MACO1: variants seen among roughly 807,000 people sequenced by gnomAD.
MACO1 encodes the protein macoilin 1, also known as macoilin.
A neutral mutation model predicts 78.7 loss-of-function variants in MACO1; 14 were observed. That is an observed-to-expected ratio of 0.18 (90% confidence interval 0.12 to 0.28). The LOEUF (loss-of-function observed/expected upper bound fraction) is 0.28, where lower values mean the gene tolerates loss of function less well. Among genes scored for constraint, MACO1 ranks in the 10% least tolerant of loss-of-function variants. The pLI is 1.00. For missense variants in MACO1, 501 were observed against 799.0 expected (o/e 0.63, Z 4.50); for synonymous variants, 288 against 291.6 (o/e 0.99, Z 0.12).
chr1:25,484,739 T>G (rs564097798), intron 7 of MACO1, among the ~76,000 whole-genome samples: 2 of 152,352 alleles, frequency 1.3e-5, no homozygotes, highest in African/African-American at 4.8e-5. Context: ...GGCTTTTGAT[T>G]AGTTCATTCT....
chr1:25,452,478 T>A (rs968559770), intron 3 of MACO1, among the ~76,000 whole-genome samples: 1 of 152,176 alleles, frequency 6.6e-6, no homozygotes, highest in Non-Finnish European at 1.5e-5. Flanking sequence ...AGAAAAAATT[T>A]TTTTGAACAG....
chr1:25,448,204 C>T (rs908307614), intron 2 of MACO1, among the ~76,000 whole-genome samples: 9 of 152,136 alleles, frequency 5.9e-5, no homozygotes, highest in South Asian at 2.1e-4. Context: ...GTGGTTCACA[C>T]CTGTAATCCC....
At chr1:25,469,440 TG>T (rs965334560) in intron 6 of MACO1, among the ~76,000 whole-genome samples, 4 of 152,158 alleles carry the variant, frequency 2.6e-5, no homozygotes, top group African/African-American at 9.7e-5. Flanking sequence ...AACATGAATC[TG>T]CCCTTTTTTC....
At chr1:25,479,155 C>T (rs1416633652) in intron 6 of MACO1, among the ~76,000 whole-genome samples, 2 of 152,128 alleles carry the variant, frequency 1.3e-5, no homozygotes, top group East Asian at 1.9e-4. Context: ...CTGATCATTG[C>T]TTTTAATTTA....
intron 6 of MACO1, among the ~76,000 whole-genome samples, chr1:25,477,577 C>G (rs929759992): frequency 4.6e-5 from 7 of 152,170 alleles, no homozygotes; most frequent in African/African-American, 1.7e-4. Flanking sequence ...AGCCCACAGA[C>G]ATATATCTTT....
In MACO1 at chr1:25,448,039, C is replaced by G. The variant is rs371396439; in HGVS notation, c.223-769C>G. Among the ~76,000 whole-genome samples the G allele has an allele frequency of 7.6e-4, 115 of 152,200 alleles. 3 individuals carry two copies. In the South Asian group the frequency reaches 0.024, roughly 31 times the overall value. ...TAGTTTGGTGCAATTACTTTTGCAC[C>G]AACCTAATAGCATCAGTATATTTCT... On this transcript the variant is annotated intron_variant, in intron 2 of 10. Transcript: ENST00000374343.
At chr1:25,490,666 GGA>G in intron 9 of MACO1, among the ~76,000 whole-genome samples, 1 of 152,180 alleles carries the variant, frequency 6.6e-6, no homozygotes, top group Middle Eastern at 3.4e-3. Flanking sequence ...CTTAACAATG[GGA>G]GAGTCATTTA....
intron 3 of MACO1, among the ~76,000 whole-genome samples, chr1:25,451,035 A>C (rs2043060500): frequency 6.8e-6 from 1 of 146,436 alleles, no homozygotes; most frequent in South Asian, 2.1e-4. Context: ...TGGTTGACCC[A>C]CAGGGCAGCA....
intron 10 of MACO1, among the ~76,000 whole-genome samples, chr1:25,492,818 A>T (rs149280792): frequency 4.6e-5 from 7 of 151,698 alleles, no homozygotes; most frequent in African/African-American, 1.4e-4. Flanking sequence ...AGAGTACTAA[A>T]TAGAGTACTG....
chr1:25,441,869 G>A (rs947936785), intron 1 of MACO1, among the ~76,000 whole-genome samples: 1 of 152,202 alleles, frequency 6.6e-6, no homozygotes, highest in Admixed American at 6.5e-5. Context: ...AACTAACCCT[G>A]AACAGTTTGA....
At chr1:25,447,945 A>T (rs997129721) in intron 2 of MACO1, among the ~76,000 whole-genome samples, 1 of 152,188 alleles carries the variant, frequency 6.6e-6, no homozygotes, top group South Asian at 2.1e-4. Context: ...CTTTAAAAAG[A>T]TAGTTTCGGC....
chr1:25,478,049 C>T lies in MACO1; in HGVS notation c.1155-6067C>T, dbSNP rs186020840. ...TCACTTGAGTTCAGGAGTTCAAGAC[C>T]ACCTGGTCAACATGGTAAAACCCCA... On this transcript the variant is annotated intron_variant, in intron 6 of 10. Coordinates refer to ENST00000374343, the MANE Select transcript of MACO1 (RefSeq NM_018202.6). 7.2e-4 allele frequency among the ~76,000 whole-genome samples: 109 copies of T among 152,216 alleles called. 1 individual carries two copies. The highest frequency in any genetic ancestry group is 2.9e-5 in the Non-Finnish European group (2 of 68,020).
chr1:25,464,291 T>C (rs947507183), intron 6 of MACO1, among the ~76,000 whole-genome samples: 5 of 151,692 alleles, frequency 3.3e-5, no homozygotes, highest in African/African-American at 1.2e-4. Flanking sequence ...CACTTAGTAA[T>C]GTGCATTTAA....
intron 8 of MACO1, among the ~76,000 whole-genome samples, chr1:25,486,767 C>G (rs567485972): frequency 3.3e-5 from 5 of 152,292 alleles, no homozygotes; most frequent in African/African-American, 9.6e-5. Flanking sequence ...CCTGTGTGAT[C>G]CTGCCTCCCC....
At chr1:25,489,426 T>C in intron 9 of MACO1, 133 bp downstream of exon 9, 1 of 1,054,742 alleles carries the variant, frequency 9.5e-7, no homozygotes, top group Non-Finnish European at 1.3e-6. Context: ...AATCTCTATG[T>C]GACAAAAAGA....
chr1:25,447,466 A>G (rs1056342021), intron 2 of MACO1, among the ~76,000 whole-genome samples: 1 of 152,182 alleles, frequency 6.6e-6, no homozygotes. Context: ...TAAACATCAT[A>G]ATAAGCCCAT....
intron 1 of MACO1, among the ~76,000 whole-genome samples, chr1:25,438,332 A>G (rs2042937675): frequency 6.6e-6 from 1 of 152,246 alleles, no homozygotes; most frequent in South Asian, 2.1e-4. Context: ...CATATAATTG[A>G]TAGTAATAAT....
At chr1:25,489,677 C>T (rs188373956) in intron 9 of MACO1, among the ~76,000 whole-genome samples, 3 of 152,272 alleles carry the variant, frequency 2.0e-5, no homozygotes, top group East Asian at 3.9e-4. Flanking sequence ...TGGCTCTGAG[C>T]CTTGCAGATT....
chr1:25,479,132 C>T (rs745350929), intron 6 of MACO1, among the ~76,000 whole-genome samples: 7 of 152,142 alleles, frequency 4.6e-5, no homozygotes, highest in African/African-American at 1.7e-4. Context: ...ATTACTTCTG[C>T]CTCGTTTTCT....
Sources: gnomAD v4.1 joint callset for allele counts (sites outside exome capture counted in the v4.1 genomes callset) on GRCh38, gnomAD v4.1.1 for gene constraint, MANE v1.5 for transcripts, NCBI Gene and HGNC (gene_info 2026-07-23, HGNC 2026-07-21) for gene names.